FAM120A: variants seen among roughly 807,000 people sequenced by gnomAD.
FAM120A encodes the protein constitutive coactivator of PPAR-gamma-like protein 1.
In FAM120A, 15 loss-of-function variants were observed where a neutral mutation model predicts 109.7. That is an observed-to-expected ratio of 0.14 (90% CI 0.09 to 0.21). The LOEUF (loss-of-function observed/expected upper bound fraction) is 0.21, where lower values mean the gene tolerates loss of function less well. Among genes scored for constraint, FAM120A ranks in the 10% least tolerant of loss-of-function variants. The pLI, the probability that FAM120A is intolerant of heterozygous loss-of-function variation, is 1.00. For synonymous variants in FAM120A, 493 were observed against 572.8 expected (o/e 0.86, Z 1.99); for missense variants, 899 against 1,439.3 (o/e 0.62, Z 6.07).
At chr9:93,497,629 A>C (rs1274734435) in intron 4 of FAM120A, 30 bp downstream of exon 4, 4 of 1,590,322 alleles carry the variant, frequency 2.5e-6, no homozygotes, top group Non-Finnish European at 3.4e-6. Flanking sequence ...AAACAAAAAA[A>C]CAGATTCATG....
chr9:93,473,013 C>T (rs1168726442), intron 2 of FAM120A, among the ~76,000 whole-genome samples: 3 of 148,512 alleles, frequency 2.0e-5, no homozygotes, highest in Non-Finnish European at 3.0e-5. Flanking sequence ...GTTAAGATAT[C>T]TTTGGACAAT....
intron 3 of FAM120A, among the ~76,000 whole-genome samples, chr9:93,484,147 T>C (rs1858935821): frequency 6.6e-6 from 1 of 151,916 alleles, no homozygotes; most frequent in Admixed American, 6.6e-5. Context: ...ACTCCTGGGC[T>C]CAAGTGATTC....
chr9:93,538,338 C>T (rs566413622), intron 10 of FAM120A, among the ~76,000 whole-genome samples: 4 of 152,230 alleles, frequency 2.6e-5, no homozygotes, highest in South Asian at 2.1e-4. Context: ...GCTACCTACA[C>T]GCTGGGGCTG....
chr9:93,518,851 C>G (rs1001358228), intron 7 of FAM120A, among the ~76,000 whole-genome samples: 1 of 152,144 alleles, frequency 6.6e-6, no homozygotes, highest in Non-Finnish European at 1.5e-5. Context: ...ATCCCGTGGC[C>G]CACGGGCCGC....
chr9:93,481,196 G>C (rs1858789067), intron 3 of FAM120A, among the ~76,000 whole-genome samples: 1 of 152,254 alleles, frequency 6.6e-6, no homozygotes, highest in Non-Finnish European at 1.5e-5. Context: ...AGGGCCCCCT[G>C]GCTGTAGACA....
At chr9:93,494,632 A>G (rs916488337) in intron 3 of FAM120A, among the ~76,000 whole-genome samples, 1 of 152,220 alleles carries the variant, frequency 6.6e-6, no homozygotes, top group Non-Finnish European at 1.5e-5. Context: ...CAGTGCTGTC[A>G]TTCAGATCAT....
chr9:93,542,932 A>G (rs765351297), intron 10 of FAM120A, among the ~76,000 whole-genome samples: 1 of 152,246 alleles, frequency 6.6e-6, no homozygotes, highest in African/African-American at 2.4e-5. Context: ...TTTGTCTAAC[A>G]TCTTGATTTA....
chr9:93,533,112 C>A (rs1162115506), intron 10 of FAM120A, among the ~76,000 whole-genome samples: 3 of 152,150 alleles, frequency 2.0e-5, no homozygotes, highest in Admixed American at 1.3e-4. Flanking sequence ...AACATACAGT[C>A]TGAGAATATT....
chr9:93,549,420 G>A (rs1486358727), intron 11 of FAM120A, among the ~76,000 whole-genome samples: 1 of 152,180 alleles, frequency 6.6e-6, no homozygotes, highest in Admixed American at 6.5e-5. Context: ...TTAGACCAAT[G>A]CCTTGGCACC....
At chr9:93,527,429 G>C (rs1861132860) in intron 8 of FAM120A, among the ~76,000 whole-genome samples, 187 bp downstream of exon 8, 2 of 152,020 alleles carry the variant, frequency 1.3e-5, no homozygotes, top group Admixed American at 6.6e-5. Context: ...TTTCTGCATG[G>C]CAGGCACCTG....
chr9:93,557,192 C>T lies in FAM120A; in HGVS notation c.2484+601C>T, dbSNP rs10992786. 1.2e-3 allele frequency among the ~76,000 whole-genome samples: 171 copies of T among 141,146 alleles called. 3 individuals carry two copies. In the East Asian group the frequency reaches 0.034, roughly 28 times the overall value. 92.6% of individuals were successfully genotyped at this position (141,146 alleles called of 152,430 possible). ...TCGCCCAGGCTGGAGTGCAGTGGTG[C>T]GGTCTCAGCTCACTGTAACCTCCAC... On this transcript the variant is annotated intron_variant, in intron 13 of 17. Transcript: ENST00000277165.
At chr9:93,480,818 A>G (rs1164679098) in intron 3 of FAM120A, among the ~76,000 whole-genome samples, 1 of 152,214 alleles carries the variant, frequency 6.6e-6, no homozygotes, top group Non-Finnish European at 1.5e-5. Context: ...TTGTATTTAC[A>G]GTAATGAAAA....
chr9:93,488,877 G>A (rs1477215474), intron 3 of FAM120A, among the ~76,000 whole-genome samples: 1 of 151,714 alleles, frequency 6.6e-6, no homozygotes, highest in Admixed American at 6.6e-5. Context: ...TCTTTTCCTC[G>A]GCTGTCCATC....
chr9:93,480,809 T>C (rs1456273912), intron 3 of FAM120A, among the ~76,000 whole-genome samples: 1 of 152,242 alleles, frequency 6.6e-6, no homozygotes, highest in Admixed American at 6.5e-5. Context: ...GATTTGTGAT[T>C]GTATTTACAG....
intron 7 of FAM120A, among the ~76,000 whole-genome samples, chr9:93,522,937 T>G (rs1223423164): frequency 6.6e-6 from 1 of 152,218 alleles, no homozygotes; most frequent in East Asian, 1.9e-4. Flanking sequence ...ACCTAGCTGT[T>G]GGCAGGAACC....
rs756485091 is a variant in FAM120A at position 93,564,345 on chromosome 9, G to A, written c.3162G>A (p.Val1054=). The change falls in exon 18 of 18, where the codon GTG becomes GTA. Residue 1054 remains valine (V), a synonymous_variant. Coordinates refer to ENST00000277165, the MANE Select transcript of FAM120A (RefSeq NM_014612.5). ...SSDGSLAENG[V]MAEEKPAPQM... is the part of the protein sequence containing the mutation. ...ACGGGTCCCTGGCTGAAAACGGAGT[G>A]ATGGCCGAGGAGAAGCCGGCTCCCC... 7.4e-6 allele frequency: 12 copies of A among 1,614,108 alleles called. No individual in the cohort carries two copies. The highest frequency in any genetic ancestry group is 1.7e-6 in the Non-Finnish European group (2 of 1,180,042).
chr9:93,517,118 C>G (rs1275348900), intron 7 of FAM120A, among the ~76,000 whole-genome samples: 1 of 152,116 alleles, frequency 6.6e-6, no homozygotes, highest in Non-Finnish European at 1.5e-5. Flanking sequence ...TCCTCTCTGT[C>G]CTCTGTCCAT....
intron 9 of FAM120A, among the ~76,000 whole-genome samples, chr9:93,531,952 T>A (rs1224212982): frequency 6.6e-6 from 1 of 152,238 alleles, no homozygotes. Context: ...AGATTTTATT[T>A]TGATTCTTTG....
intron 14 of FAM120A, among the ~76,000 whole-genome samples, chr9:93,558,321 C>T (rs563042419): frequency 3.3e-5 from 5 of 152,248 alleles, no homozygotes; most frequent in African/African-American, 1.2e-4. Flanking sequence ...TCAGAGAGAG[C>T]CATCTTCCAG....
Sources: allele counts gnomAD v4.1 joint callset (sites outside exome capture counted in the v4.1 genomes callset), GRCh38; gene constraint gnomAD v4.1.1; transcripts MANE v1.5; gene names NCBI Gene and HGNC (gene_info 2026-07-23, HGNC 2026-07-21).